The following ASTN1 variants were observed in gnomAD, a reference collection of about 807,000 sequenced individuals.
ASTN1 encodes the protein astrotactin 1.
A neutral mutation model predicts 140.7 loss-of-function variants in ASTN1; 41 were observed. The observed-to-expected ratio is 0.29, with a 90% CI of 0.23 to 0.38. The LOEUF (loss-of-function observed/expected upper bound fraction) is 0.38. Ranked by LOEUF, ASTN1 falls within the 10% of genes least tolerant of loss-of-function variation. The probability of loss-of-function intolerance (pLI) is 1.00; values close to 1 mark genes in which losing one functional copy is unlikely to be tolerated. For missense variants in ASTN1, 1,479 were observed against 1,678.8 expected, an observed-to-expected ratio of 0.88 and a Z score of 2.08; for synonymous variants, 640 against 652.2, an observed-to-expected ratio of 0.98 and a Z score of 0.29.
intron 21 of ASTN1, among the ~76,000 whole-genome samples, chr1:176,869,529 T>C (rs1346096156): frequency 6.6e-6 from 1 of 152,038 alleles, no homozygotes; most frequent in African/African-American, 2.4e-5. Context: ...TAAAGGGAAA[T>C]GAAGCAAGAA....
At chr1:176,927,260 C>T (rs1021649765) in intron 16 of ASTN1, among the ~76,000 whole-genome samples, 4 of 151,976 alleles carry the variant, frequency 2.6e-5, no homozygotes, top group Non-Finnish European at 5.9e-5. Context: ...GGATTACGAA[C>T]GAGAATGTGC....
intron 8 of ASTN1, among the ~76,000 whole-genome samples, chr1:176,972,248 A>G (rs531687372): frequency 6.6e-6 from 1 of 152,310 alleles, no homozygotes; most frequent in African/African-American, 2.4e-5. Flanking sequence ...CATCTGTAAA[A>G]TGCAGATAAA....
At chr1:177,153,216 G>GA (rs924204112) in intron 1 of ASTN1, among the ~76,000 whole-genome samples, 31 of 152,100 alleles carry the variant, frequency 2.0e-4, no homozygotes, top group African/African-American at 6.3e-4. Context: ...TGGTTGTTAA[G>GA]AAAAAAACAA....
chr1:177,103,670 T>G (rs1680407215), intron 1 of ASTN1, among the ~76,000 whole-genome samples: 1 of 152,136 alleles, frequency 6.6e-6, no homozygotes, highest in Non-Finnish European at 1.5e-5. Flanking sequence ...GGCTTCCATC[T>G]GGTGTCAAGC....
At chr1:177,032,298 C>A (rs1432271920) in intron 3 of ASTN1, among the ~76,000 whole-genome samples, 158 bp downstream of exon 3, 1 of 152,162 alleles carries the variant, frequency 6.6e-6, no homozygotes, top group South Asian at 2.1e-4. Context: ...CAGCTCCCAT[C>A]ATCTCAGGAA....
chr1:176,881,319 G>T (rs1170057108), intron 20 of ASTN1, among the ~76,000 whole-genome samples: 1 of 152,184 alleles, frequency 6.6e-6, no homozygotes, highest in African/African-American at 2.4e-5. Context: ...AGTGAGAGAC[G>T]GTATTGGCCT....
chr1:176,934,472 G>T, intron 15 of ASTN1, 132 bp from the exon 16 acceptor site: 1 of 841,434 alleles, frequency 1.2e-6, no homozygotes, highest in Non-Finnish European at 1.7e-6. Context: ...AGCTAGAAGT[G>T]TCTGGTGAAT....
chr1:177,060,062 T>C (rs1355614320), intron 2 of ASTN1, among the ~76,000 whole-genome samples: 1 of 152,176 alleles, frequency 6.6e-6, no homozygotes, highest in East Asian at 1.9e-4. Context: ...TCCACAAATA[T>C]TAATTAAGTA....
chr1:176,966,965 A>G (rs1212602480), intron 8 of ASTN1, among the ~76,000 whole-genome samples: 1 of 152,160 alleles, frequency 6.6e-6, no homozygotes, highest in Non-Finnish European at 1.5e-5. Context: ...AGGGGTTAAA[A>G]ATATTTGTTA....
intron 8 of ASTN1, among the ~76,000 whole-genome samples, chr1:177,013,403 T>C (rs578225953): frequency 1.8e-4 from 27 of 152,354 alleles, no homozygotes; most frequent in African/African-American, 6.5e-4. Flanking sequence ...TATCATGCCT[T>C]GACTTAGTCA....
intron 11 of ASTN1, among the ~76,000 whole-genome samples, chr1:176,953,051 C>G (rs1672257549): frequency 6.6e-6 from 1 of 152,214 alleles, no homozygotes; most frequent in Non-Finnish European, 1.5e-5. Flanking sequence ...TCGTGAGATG[C>G]TCATGGCTTC....
intron 1 of ASTN1, among the ~76,000 whole-genome samples, chr1:177,074,491 G>C (rs1678794904): frequency 6.6e-6 from 1 of 152,110 alleles, no homozygotes; most frequent in Admixed American, 6.6e-5. Flanking sequence ...ACTCATTCAG[G>C]CTTGGTTTCT....
chr1:177,094,995 G>A (rs1679960080), intron 1 of ASTN1, among the ~76,000 whole-genome samples: 1 of 152,152 alleles, frequency 6.6e-6, no homozygotes, highest in South Asian at 2.1e-4. Flanking sequence ...TGGAAGAAAG[G>A]CAATCCTTGT....
intron 7 of ASTN1, among the ~76,000 whole-genome samples, chr1:177,019,118 G>A (rs1675697077): frequency 6.6e-6 from 1 of 152,114 alleles, no homozygotes; most frequent in Non-Finnish European, 1.5e-5. Context: ...ATGGTCAGGA[G>A]TGTGAGTTCT....
intron 1 of ASTN1, among the ~76,000 whole-genome samples, chr1:177,150,630 G>C (rs187815813): frequency 2.0e-5 from 3 of 152,118 alleles, no homozygotes; most frequent in East Asian, 3.9e-4. Context: ...TTTGTGGTTC[G>C]AGTAGGGCCA....
chr1:176,885,384 C>T (rs1028786296), intron 18 of ASTN1, among the ~76,000 whole-genome samples: 3 of 152,118 alleles, frequency 2.0e-5, no homozygotes, highest in Non-Finnish European at 4.4e-5. Context: ...CTTAATTATC[C>T]ACGTGGTTTC....
intron 8 of ASTN1, among the ~76,000 whole-genome samples, chr1:176,994,399 A>G (rs1308278190): frequency 6.6e-6 from 1 of 151,906 alleles, no homozygotes. Flanking sequence ...CCCAGACTGG[A>G]GTGCAGTAGC....
intron 16 of ASTN1, among the ~76,000 whole-genome samples, chr1:176,909,321 A>G (rs755465816): frequency 6.6e-6 from 1 of 152,236 alleles, no homozygotes; most frequent in Non-Finnish European, 1.5e-5. Context: ...ATCTATCAGA[A>G]GATGTGGCTA....
rs1302203899 is a variant in ASTN1, at chr1:176,864,123, A to G, written c.*161T>C. 2.7e-6 allele frequency: 4 copies of G among 1,468,032 alleles called. No individual in the cohort carries two copies. Among genetic ancestry groups the G allele is most frequent in the South Asian group, 1.4e-5 (1 of 69,932 alleles). 90.9% of individuals were successfully genotyped at this position (1,468,032 alleles called of 1,614,324 possible). On this transcript the variant is annotated 3_prime_UTR_variant, in exon 23 of 23. Transcript: ENST00000361833. ...ATGCAGATGGAGAACATCATACTGA[A>G]GAAGTTCTGCAGGGAGCAAGGATCA...
Sources: gnomAD v4.1 joint callset for allele counts (sites outside exome capture counted in the v4.1 genomes callset) on GRCh38, gnomAD v4.1.1 for gene constraint, MANE v1.5 for transcripts, NCBI Gene and HGNC (gene_info 2026-07-23, HGNC 2026-07-21) for gene names.